The following SLC25A21 variants were observed in gnomAD, a reference collection of about 807,000 sequenced individuals.
The protein encoded by SLC25A21 is mitochondrial 2-oxodicarboxylate carrier.
SLC25A21 carries 47 observed loss-of-function variants against 43.8 expected under a neutral mutation model. The ratio of observed to expected loss-of-function variants is 1.07; its 90% confidence interval spans 0.85 to 1.37. The LOEUF (loss-of-function observed/expected upper bound fraction) is 1.37. Among genes scored for constraint, SLC25A21 ranks in the 40% most tolerant of loss-of-function variants. The pLI, the probability that SLC25A21 is intolerant of heterozygous loss-of-function variation, is 0.00. For synonymous variants in SLC25A21, 131 were observed against 121.3 expected, an observed-to-expected ratio of 1.08 and a Z score of -0.52; for missense variants, 352 against 350.2, an observed-to-expected ratio of 1.00 and a Z score of -0.04.
In SLC25A21 at chr14:37,137,032, G is replaced by T. The variant is rs531231978; in HGVS notation, c.70+35249C>A. 3.3e-5 allele frequency among the ~76,000 whole-genome samples: 5 copies of T among 152,182 alleles called. No homozygotes were observed. The East Asian group carries it at 9.7e-4, about 29-fold the overall frequency. ...TTGTTTTGTTTTGAGATGGAGTCTC[G>T]CTCTGTCGCCCAGGCTGGGGTGCAG... On this transcript the variant is annotated intron_variant, in intron 1 of 9. Coordinates refer to ENST00000331299, the MANE Select transcript of SLC25A21 (RefSeq NM_030631.4).
At chr14:36,747,357 G>A (rs1885540418) in intron 3 of SLC25A21, among the ~76,000 whole-genome samples, 1 of 152,182 alleles carries the variant, frequency 6.6e-6, no homozygotes. Context: ...TGTACAAAAA[G>A]TGAGCAAATT....
chr14:36,883,144 C>T (rs1269014675), intron 1 of SLC25A21, among the ~76,000 whole-genome samples: 1 of 152,118 alleles, frequency 6.6e-6, no homozygotes, highest in Non-Finnish European at 1.5e-5. Flanking sequence ...TTCTTCTGGT[C>T]AACAATGGCT....
At chr14:37,094,233 A>G (rs924893136) in intron 1 of SLC25A21, among the ~76,000 whole-genome samples, 2 of 152,144 alleles carry the variant, frequency 1.3e-5, no homozygotes, top group African/African-American at 4.8e-5. Flanking sequence ...AAAGATCTAG[A>G]TAGTCATCCT....
At chr14:36,773,544 T>C (rs1356201997) in intron 3 of SLC25A21, among the ~76,000 whole-genome samples, 1 of 152,194 alleles carries the variant, frequency 6.6e-6, no homozygotes. Context: ...GAATAAGGTA[T>C]AAAAGAAGAA....
At chr14:37,095,057 T>G (rs891244259) in intron 1 of SLC25A21, among the ~76,000 whole-genome samples, 2 of 152,294 alleles carry the variant, frequency 1.3e-5, no homozygotes, top group East Asian at 3.9e-4. Flanking sequence ...TGATAAATAA[T>G]GTACATGATA....
At chr14:37,043,940 G>GTTTTTTTTTTTTTTTTTTTTT (rs59081965) in intron 1 of SLC25A21, among the ~76,000 whole-genome samples, 3 of 56,774 alleles carry the variant, frequency 5.3e-5, no homozygotes, top group African/African-American at 2.1e-4. Context: ...ATGTTTTTTT[G>GTTTTTTTTTTTTTTTTTTTTT]TTTTTTTTTT....
chr14:36,738,955 T>G (rs1455858586), intron 3 of SLC25A21, among the ~76,000 whole-genome samples: 1 of 152,252 alleles, frequency 6.6e-6, no homozygotes, highest in Non-Finnish European at 1.5e-5. Flanking sequence ...AAAGTATTTA[T>G]AATTATTTTC....
intron 1 of SLC25A21, among the ~76,000 whole-genome samples, chr14:37,098,806 T>TAGA (rs1491150034): frequency 7.4e-3 from 31 of 4,164 alleles, no homozygotes; most frequent in Non-Finnish European, 0.037. Flanking sequence ...GATAGATAGA[T>TAGA]TTTTTTTTTT....
intron 4 of SLC25A21, among the ~76,000 whole-genome samples, chr14:36,733,120 A>T (rs12881845): frequency 6.6e-6 from 1 of 152,198 alleles, no homozygotes; most frequent in Admixed American, 6.5e-5. Context: ...CATAATATTA[A>T]GAAAAAAATA....
At chr14:36,929,568 T>C (rs1405831074) in intron 1 of SLC25A21, among the ~76,000 whole-genome samples, 1 of 152,148 alleles carries the variant, frequency 6.6e-6, no homozygotes, top group Non-Finnish European at 1.5e-5. Flanking sequence ...GGAAAAGTGA[T>C]AGGAATCGCA....
chr14:36,888,744 A>T (rs928231431), intron 1 of SLC25A21, among the ~76,000 whole-genome samples: 24 of 152,188 alleles, frequency 1.6e-4, no homozygotes, highest in Non-Finnish European at 3.1e-4. Context: ...AATACACATC[A>T]TCTTACTAAA....
chr14:36,920,664 C>A (rs1336151336), intron 1 of SLC25A21, among the ~76,000 whole-genome samples: 1 of 152,048 alleles, frequency 6.6e-6, no homozygotes, highest in Non-Finnish European at 1.5e-5. Flanking sequence ...TACCTCCATT[C>A]TTGCAATTTG....
chr14:37,037,213 T>C (rs1209182121), intron 1 of SLC25A21, among the ~76,000 whole-genome samples: 3 of 152,222 alleles, frequency 2.0e-5, no homozygotes, highest in Non-Finnish European at 4.4e-5. Context: ...CATTGTACTC[T>C]TTAGCCTGGC....
At chr14:37,045,972 G>A (rs971006688) in intron 1 of SLC25A21, among the ~76,000 whole-genome samples, 2 of 152,150 alleles carry the variant, frequency 1.3e-5, no homozygotes, top group African/African-American at 2.4e-5. Flanking sequence ...CTTACTGAGG[G>A]ATTATTCTGT....
intron 2 of SLC25A21, among the ~76,000 whole-genome samples, chr14:36,821,833 A>T (rs1888646401): frequency 6.6e-6 from 1 of 152,150 alleles, no homozygotes; most frequent in Non-Finnish European, 1.5e-5. Context: ...AAAACAAAAC[A>T]AAACAAAACA....
At chr14:37,057,636 A>G (rs1481983445) in intron 1 of SLC25A21, among the ~76,000 whole-genome samples, 1 of 152,218 alleles carries the variant, frequency 6.6e-6, no homozygotes, top group Admixed American at 6.5e-5. Context: ...ACTGACAGTA[A>G]AACAATTTTA....
intron 1 of SLC25A21, among the ~76,000 whole-genome samples, chr14:37,094,329 A>G (rs915005716): frequency 6.6e-6 from 1 of 152,220 alleles, no homozygotes; most frequent in African/African-American, 2.4e-5. Context: ...AAGGTGCCTT[A>G]CACACCAGAC....
At chr14:36,900,801 A>C (rs1307488062) in intron 1 of SLC25A21, among the ~76,000 whole-genome samples, 1 of 152,188 alleles carries the variant, frequency 6.6e-6, no homozygotes, top group Non-Finnish European at 1.5e-5. Flanking sequence ...GGGAAGACAT[A>C]ATCTCTACTT....
rs902590771 is a variant in SLC25A21 at position 36,680,233 on chromosome 14, T to C, written c.*425A>G. ...AAACTGCTTAAATTTTGGCTTAACT[T>C]TTTTTTAATCCAGTCTTTGAATAAT... On this transcript the variant is annotated 3_prime_UTR_variant, in exon 10 of 10. Coordinates refer to ENST00000331299, the MANE Select transcript of SLC25A21 (RefSeq NM_030631.4). The C allele has an allele frequency of 2.8e-5, 26 of 931,248 alleles. No homozygotes were observed. The highest frequency in any genetic ancestry group is 3.2e-5 in the Non-Finnish European group (25 of 781,120). 57.7% of individuals were successfully genotyped at this position (931,248 alleles called of 1,614,324 possible). A position where few individuals can be genotyped will look rare whatever the true frequency, so the allele number is the denominator to read the frequency against.
Sources: gnomAD v4.1 joint callset for allele counts (sites outside exome capture counted in the v4.1 genomes callset) on GRCh38, gnomAD v4.1.1 for gene constraint, MANE v1.5 for transcripts, NCBI Gene and HGNC (gene_info 2026-07-23, HGNC 2026-07-21) for gene names.